PDE1C: variants seen among roughly 807,000 people sequenced by gnomAD.
The protein encoded by PDE1C is phosphodiesterase 1C.
A neutral mutation model predicts 93.1 loss-of-function variants in PDE1C; 62 were observed. The observed-to-expected ratio is 0.67, with a 90% CI of 0.54 to 0.82. The LOEUF (loss-of-function observed/expected upper bound fraction) is 0.82. Among genes scored for constraint, PDE1C ranks in the 40% least tolerant of loss-of-function variants. The probability of loss-of-function intolerance (pLI) is 0.00; values close to 1 mark genes in which losing one functional copy is unlikely to be tolerated. For synonymous variants in PDE1C, 325 were observed against 310.1 expected, an observed-to-expected ratio of 1.05 and a Z score of -0.50; for missense variants, 742 against 884.6, an observed-to-expected ratio of 0.84 and a Z score of 2.04.
intron 2 of PDE1C, among the ~76,000 whole-genome samples, chr7:31,990,579 A>C (rs1784035657): frequency 6.6e-6 from 1 of 152,312 alleles, no homozygotes; most frequent in African/African-American, 2.4e-5. Context: ...GTTCGATTTA[A>C]AAAAACAAAA....
In PDE1C at chr7:31,850,642, G is replaced by T; in HGVS notation, c.850C>A (p.Arg284=). ...GTTNNFHIQT[R]SDPAILYNDR... is the part of the protein sequence containing the mutation. Reference sequence around the variant, plus strand: ...TTCCAAACATTTAAACACCCTCACCGAGTCTGAATGTGGAAATTGTTGGTG... The same window carrying T: ...TTCCAAACATTTAAACACCCTCACCTAGTCTGAATGTGGAAATTGTTGGTG... The change falls in exon 8 of 18, where the codon CGG becomes AGG. Residue 284 remains arginine (R), a splice_region_variant and synonymous_variant. Coordinates refer to ENST00000396191, the MANE Select transcript of PDE1C (RefSeq NM_001191057.4). 1.2e-6 allele frequency: 2 copies of T among 1,604,016 alleles called. No individual in the cohort carries two copies. Among genetic ancestry groups the T allele is most frequent in the Non-Finnish European group, 1.7e-6 (2 of 1,170,916 alleles).
At chr7:31,750,032 G>A (rs904361170), downstream of PDE1C, among the ~76,000 whole-genome samples, 10 of 152,032 alleles carry the variant, frequency 6.6e-5, no homozygotes, top group Admixed American at 5.2e-4. Flanking sequence ...CACCCCGTCT[G>A]GCCCTAATTT....
At chr7:31,684,929 C>T in the PDE1C span, among the ~76,000 whole-genome samples, 11 of 152,262 alleles carry the variant, frequency 7.2e-5, no homozygotes, top group Admixed American at 2.0e-4. Context: ...ATTATGTTCA[C>T]GCAAAAGCCT....
intron 2 of PDE1C, among the ~76,000 whole-genome samples, chr7:31,945,614 G>A (rs74840050): frequency 0.031 from 4,740 of 152,220 alleles, 231 homozygotes; most frequent in African/African-American, 0.11. Context: ...GTTCCTCTAA[G>A]AGGAAGATTG....
chr7:31,679,980 G>A, the PDE1C span, among the ~76,000 whole-genome samples: 1 of 152,194 alleles, frequency 6.6e-6, no homozygotes, highest in Non-Finnish European at 1.5e-5. Flanking sequence ...GTTCTCTGCC[G>A]GCCTGTTCAT....
intron 14 of PDE1C, among the ~76,000 whole-genome samples, chr7:31,822,474 C>T (rs961728467): frequency 2.0e-5 from 3 of 152,108 alleles, no homozygotes; most frequent in Non-Finnish European, 4.4e-5. Context: ...ATACAAATTT[C>T]CATATTTTTC....
At chr7:32,332,151 T>TACAC (rs919788276) in intron 1 of PDE1C, among the ~76,000 whole-genome samples, 1 of 152,030 alleles carries the variant, frequency 6.6e-6, no homozygotes, top group Admixed American at 6.5e-5. Flanking sequence ...GAAATCATTA[T>TACAC]ACACACACAC....
intron 5 of PDE1C, 102 bp downstream of exon 5, chr7:31,877,868 T>C: frequency 2.8e-6 from 2 of 707,340 alleles, no homozygotes; most frequent in South Asian, 1.8e-5. Flanking sequence ...CAGGAATAAC[T>C]GGAAAAGTAA....
At chr7:32,137,755 G>T (rs930807012) in intron 3 of PDE1C, among the ~76,000 whole-genome samples, 1 of 152,144 alleles carries the variant, frequency 6.6e-6, no homozygotes, top group Non-Finnish European at 1.5e-5. Context: ...ATAGTGAATA[G>T]GTAAGAGAAA....
At chr7:32,140,419 G>A (rs1379342159) in intron 3 of PDE1C, among the ~76,000 whole-genome samples, 2 of 152,314 alleles carry the variant, frequency 1.3e-5, no homozygotes, top group East Asian at 3.9e-4. Context: ...CCTGCACTCA[G>A]CTGCATTACT....
At chr7:31,931,316 C>T (rs534524556) in intron 2 of PDE1C, among the ~76,000 whole-genome samples, 1 of 152,138 alleles carries the variant, frequency 6.6e-6, no homozygotes, top group African/African-American at 2.4e-5. Flanking sequence ...TTGCAGATGA[C>T]ATGATTGTAT....
At chr7:31,864,453 G>C (rs1041747046) in intron 7 of PDE1C, among the ~76,000 whole-genome samples, 2 of 152,170 alleles carry the variant, frequency 1.3e-5, no homozygotes, top group African/African-American at 4.8e-5. Flanking sequence ...TAGAAGTAAA[G>C]ATTTACCATT....
chr7:32,268,060 G>C (rs77279771), intron 1 of PDE1C, among the ~76,000 whole-genome samples: 3 of 152,142 alleles, frequency 2.0e-5, no homozygotes, highest in African/African-American at 7.2e-5. Flanking sequence ...GGGCAACGTC[G>C]GGGGTTACCC....
At chr7:31,665,913 A>G in the PDE1C span, among the ~76,000 whole-genome samples, 2 of 152,188 alleles carry the variant, frequency 1.3e-5, no homozygotes, top group Admixed American at 1.3e-4. Flanking sequence ...GACTCAGGCA[A>G]ATTGGAGCAG....
intron 3 of PDE1C, among the ~76,000 whole-genome samples, chr7:32,151,022 C>T (rs1457123385): frequency 6.6e-6 from 1 of 152,152 alleles, no homozygotes; most frequent in Non-Finnish European, 1.5e-5. Context: ...AAAATGTTTT[C>T]CCAGATGAGG....
At chr7:31,811,367 CAG>C (rs1381689433) in intron 15 of PDE1C, among the ~76,000 whole-genome samples, 1 of 151,998 alleles carries the variant, frequency 6.6e-6, no homozygotes, top group East Asian at 1.9e-4. Flanking sequence ...AGTGTGAAAA[CAG>C]ACTAATACAC....
chr7:32,399,057 A>C (rs974543137), intron 1 of PDE1C, among the ~76,000 whole-genome samples: 3 of 152,186 alleles, frequency 2.0e-5, no homozygotes, highest in Non-Finnish European at 4.4e-5. Flanking sequence ...GGTATTCAGT[A>C]TATGGTGTGA....
At chr7:32,054,967 C>T (rs752394570) in intron 1 of PDE1C, among the ~76,000 whole-genome samples, 1 of 152,118 alleles carries the variant, frequency 6.6e-6, no homozygotes, top group Non-Finnish European at 1.5e-5. Flanking sequence ...CCTTCTAGGG[C>T]CCCCCAAACT....
chr7:32,320,841 T>C (rs949042053), intron 1 of PDE1C, among the ~76,000 whole-genome samples: 1 of 152,174 alleles, frequency 6.6e-6, no homozygotes, highest in African/African-American at 2.4e-5. Context: ...CTCTGTCCTA[T>C]ATTGTCACCA....
Sources: gnomAD v4.1 joint callset for allele counts (sites outside exome capture counted in the v4.1 genomes callset) on GRCh38, gnomAD v4.1.1 for gene constraint, MANE v1.5 for transcripts, NCBI Gene and HGNC (gene_info 2026-07-23, HGNC 2026-07-21) for gene names.